Variants in GRID2 observed in about 807,000 individuals in gnomAD.
The protein encoded by GRID2 is glutamate ionotropic receptor delta type subunit 2, also known as glutamate receptor ionotropic, delta-2.
In GRID2, 33 loss-of-function variants were observed where a neutral mutation model predicts 114.8. The ratio of observed to expected loss-of-function variants is 0.29; its 90% CI spans 0.22 to 0.38. GRID2 has a LOEUF of 0.38. GRID2 is among the 10% of genes least tolerant of loss of function. GRID2 has a pLI of 1.00. For synonymous variants in GRID2, 505 were observed against 449.9 expected, an observed-to-expected ratio of 1.12 and a Z score of -1.55; for missense variants, 1,184 against 1,257.7, an observed-to-expected ratio of 0.94 and a Z score of 0.89.
Position 93,772,566 on chromosome 4 carries a change from T to C in GRID2, c.*68T>C. 9.0e-7 allele frequency: 1 copy of C among 1,109,272 alleles called. No homozygotes were observed. Among genetic ancestry groups the C allele is most frequent in the Admixed American group, 2.3e-5 (1 of 43,710 alleles). The allele number at this position is 1,109,272 out of a possible 1,614,324, so 68.7% of individuals were successfully genotyped here. A position where few individuals can be genotyped will look rare whatever the true frequency, so the allele number is the denominator to read the frequency against. ...TTTGCAAGGAGCAACTGTAATATTG[T>C]GGGACTAACATGGATGTAACGTTTA... On this transcript the variant is annotated 3_prime_UTR_variant, in exon 16 of 16. Transcript: ENST00000282020.
chr4:92,868,706 AGTGT>A (rs201335750), intron 2 of GRID2, among the ~76,000 whole-genome samples: 27 of 148,492 alleles, frequency 1.8e-4, no homozygotes, highest in East Asian at 1.2e-3. Context: ...CATTTTATGT[AGTGT>A]GTGTGTGTGT....
chr4:93,356,435 C>T (rs769164043), intron 8 of GRID2, among the ~76,000 whole-genome samples: 1 of 151,612 alleles, frequency 6.6e-6, no homozygotes, highest in Non-Finnish European at 1.5e-5. Flanking sequence ...ATTCATTCTA[C>T]TTTAAGAACC....
intron 2 of GRID2, among the ~76,000 whole-genome samples, chr4:93,067,004 C>T (rs1249759007): frequency 6.6e-6 from 1 of 151,942 alleles, no homozygotes; most frequent in Non-Finnish European, 1.5e-5. Context: ...TTATGCTACT[C>T]AGAATGGTAT....
chr4:93,672,194 C>G (rs1724482857), intron 14 of GRID2, among the ~76,000 whole-genome samples: 1 of 152,122 alleles, frequency 6.6e-6, no homozygotes, highest in Non-Finnish European at 1.5e-5. Flanking sequence ...GTGTCCAGAC[C>G]CCATAATTCC....
chr4:93,572,783 C>G (rs1479263579), intron 13 of GRID2, among the ~76,000 whole-genome samples: 1 of 152,048 alleles, frequency 6.6e-6, no homozygotes, highest in Non-Finnish European at 1.5e-5. Flanking sequence ...TCATATCACC[C>G]CTTTCCTGGT....
intron 4 of GRID2, among the ~76,000 whole-genome samples, chr4:93,166,970 C>CA (rs751405160): frequency 6.6e-6 from 1 of 152,110 alleles, no homozygotes; most frequent in Non-Finnish European, 1.5e-5. Context: ...AGAGGCAGTG[C>CA]ATTGACAATT....
At chr4:93,536,771 TAAATC>T (rs907754151) in intron 13 of GRID2, among the ~76,000 whole-genome samples, 7 of 151,640 alleles carry the variant, frequency 4.6e-5, no homozygotes, top group Non-Finnish European at 1.5e-5. Flanking sequence ...CAATGATTAA[TAAATC>T]AAATAAATAA....
intron 2 of GRID2, among the ~76,000 whole-genome samples, chr4:92,821,222 T>C (rs1055338949): frequency 6.6e-6 from 1 of 152,182 alleles, no homozygotes; most frequent in Non-Finnish European, 1.5e-5. Context: ...GTGCTTCTTG[T>C]AAATAATTCC....
intron 2 of GRID2, among the ~76,000 whole-genome samples, chr4:92,769,802 A>T (rs1050772596): frequency 6.6e-6 from 1 of 152,148 alleles, no homozygotes; most frequent in East Asian, 1.9e-4. Flanking sequence ...CACATAGCAC[A>T]GGGACCCAGG....
intron 1 of GRID2, among the ~76,000 whole-genome samples, chr4:92,419,924 CTGT>C (rs773291840): frequency 1.5e-4 from 23 of 152,110 alleles, no homozygotes; most frequent in African/African-American, 1.9e-4. Flanking sequence ...AAATTTTACG[CTGT>C]TGTTCTCTGA....
At chr4:93,016,931 A>G (rs1417125353) in intron 2 of GRID2, among the ~76,000 whole-genome samples, 1 of 152,182 alleles carries the variant, frequency 6.6e-6, no homozygotes, top group Non-Finnish European at 1.5e-5. Flanking sequence ...TTGCTTAAAA[A>G]AATTCTCTTC....
At chr4:92,607,142 A>C (rs1729495141) in intron 2 of GRID2, among the ~76,000 whole-genome samples, 1 of 151,968 alleles carries the variant, frequency 6.6e-6, no homozygotes, top group South Asian at 2.1e-4. Context: ...GACCTTGGTA[A>C]TTACCTTGAG....
intron 2 of GRID2, among the ~76,000 whole-genome samples, chr4:92,974,092 A>C (rs1753697007): frequency 6.6e-6 from 1 of 152,234 alleles, no homozygotes; most frequent in South Asian, 2.1e-4. Flanking sequence ...AAAAATGCTC[A>C]TCATCACTGG....
In GRID2 at chr4:93,772,556, T is replaced by G; in HGVS notation, c.*58T>G. On this transcript the variant is annotated 3_prime_UTR_variant, in exon 16 of 16. Coordinates refer to ENST00000282020, the MANE Select transcript of GRID2 (RefSeq NM_001510.4). ...TAGGACTCCCTTTGCAAGGAGCAAC[T>G]GTAATATTGTGGGACTAACATGGAT... 1 of 1,174,364 alleles carries G rather than the reference T, an allele frequency of 8.5e-7. No homozygotes were observed. Among genetic ancestry groups the G allele is most frequent in the Non-Finnish European group, 1.2e-6 (1 of 822,088 alleles). The allele number at this position is 1,174,364 out of a possible 1,614,324, so 72.7% of individuals were successfully genotyped here.
At chr4:93,447,223 C>T (rs1311372946) in intron 10 of GRID2, among the ~76,000 whole-genome samples, 3 of 151,970 alleles carry the variant, frequency 2.0e-5, no homozygotes, top group East Asian at 3.9e-4. Flanking sequence ...ACTTTGCTTA[C>T]AGAAACGTGT....
At chr4:93,602,164 G>A (rs1012084867) in intron 13 of GRID2, among the ~76,000 whole-genome samples, 1 of 152,092 alleles carries the variant, frequency 6.6e-6, no homozygotes, top group African/African-American at 2.4e-5. Flanking sequence ...TTCCCATTTT[G>A]CTTTTCAGAG....
chr4:93,525,741 C>T (rs934906178), intron 13 of GRID2, among the ~76,000 whole-genome samples: 1 of 151,886 alleles, frequency 6.6e-6, no homozygotes, highest in African/African-American at 2.4e-5. Context: ...AGTGGGAGTC[C>T]CTAACACAGA....
At chr4:93,422,471 A>C (rs1768384304) in intron 9 of GRID2, among the ~76,000 whole-genome samples, 1 of 152,160 alleles carries the variant, frequency 6.6e-6, no homozygotes, top group Admixed American at 6.5e-5. Flanking sequence ...ATTTATTATT[A>C]AGGAGTCTCA....
intron 1 of GRID2, among the ~76,000 whole-genome samples, chr4:92,576,094 C>T (rs1291922062): frequency 6.6e-6 from 1 of 152,206 alleles, no homozygotes. Context: ...TCTGCCTTTG[C>T]CCGAGGGCAC....
Sources: gnomAD v4.1 joint callset for allele counts (sites outside exome capture counted in the v4.1 genomes callset) on GRCh38, gnomAD v4.1.1 for gene constraint, MANE v1.5 for transcripts, NCBI Gene and HGNC (gene_info 2026-07-23, HGNC 2026-07-21) for gene names.